Variants in MAP3K14 observed in about 807,000 individuals in gnomAD.
The protein encoded by MAP3K14 is mitogen-activated protein kinase kinase kinase 14, also known as NF-kappa-beta-inducing kinase.
Under a neutral mutation model 99.2 loss-of-function variants are expected in MAP3K14, and 16 were observed. That is an observed-to-expected ratio of 0.16 (90% CI 0.11 to 0.24). The LOEUF is 0.24. MAP3K14 is among the 10% of genes least tolerant of loss of function. The probability of loss-of-function intolerance (pLI) is 1.00; values close to 1 mark genes in which losing one functional copy is unlikely to be tolerated. For synonymous variants in MAP3K14, 462 were observed against 492.4 expected (o/e 0.94, Z 0.82); for missense variants, 784 against 1,208.7 (o/e 0.65, Z 5.21).
rs1441134969 is a variant in MAP3K14, at chr17:45,263,220, G to C, written c.*1416C>G. The C allele has an allele frequency of 6.6e-6, 1 of 152,352 alleles. No individual in the cohort carries two copies. Among genetic ancestry groups the C allele is most frequent in the Non-Finnish European group, 1.5e-5 (1 of 68,080 alleles). 9.4% of individuals were successfully genotyped at this position (152,352 alleles called of 1,614,324 possible). On this transcript the variant is annotated 3_prime_UTR_variant, in exon 16 of 16. Coordinates refer to ENST00000344686, the MANE Select transcript of MAP3K14 (RefSeq NM_003954.5). ...CAAGGCTGCAGTTCTTTATGTGCTGGGGGCCGGGGCTCTCTCCCCGGGAGC... is the reference window on the plus strand; with the variant it reads ...CAAGGCTGCAGTTCTTTATGTGCTGCGGGCCGGGGCTCTCTCCCCGGGAGC...
At chr17:45,280,199 C>CTT (rs2044211241) in intron 6 of MAP3K14, among the ~76,000 whole-genome samples, 1 of 151,908 alleles carries the variant, frequency 6.6e-6, no homozygotes, top group Admixed American at 6.6e-5. Flanking sequence ...AGGAGTGATT[C>CTT]TTAACCCTTT....
intron 1 of MAP3K14, among the ~76,000 whole-genome samples, chr17:45,313,622 G>A (rs930930317): frequency 3.9e-5 from 6 of 152,138 alleles, no homozygotes; most frequent in South Asian, 2.1e-4. Flanking sequence ...GACAAATCAC[G>A]GGCTCTCTGC....
intron 1 of MAP3K14, among the ~76,000 whole-genome samples, chr17:45,301,756 G>A (rs1470866929): frequency 6.6e-6 from 1 of 151,878 alleles, no homozygotes; most frequent in Non-Finnish European, 1.5e-5. Flanking sequence ...TGGGCTTATG[G>A]ATGATTTAAT....
chr17:45,285,887 G>A (rs1323619209), intron 5 of MAP3K14, among the ~76,000 whole-genome samples: 2 of 151,466 alleles, frequency 1.3e-5, no homozygotes, highest in African/African-American at 4.9e-5. Context: ...AGGAGACGGA[G>A]GCTGTAGTGA....
intron 14 of MAP3K14, chr17:45,266,300 T>C (rs2044081423): frequency 2.2e-6 from 1 of 446,032 alleles, no homozygotes; most frequent in Non-Finnish European, 4.0e-6. Flanking sequence ...TGGGACTCCA[T>C]CAACTGACAA....
intron 1 of MAP3K14, 187 bp from the exon 2 acceptor site, chr17:45,290,952 G>A (rs1286530618): frequency 6.9e-6 from 4 of 579,054 alleles, no homozygotes; most frequent in Admixed American, 3.0e-5. Context: ...ACAGCTACAC[G>A]TTCCACACGG....
rs921192159 is a variant in MAP3K14 at position 45,267,084 on chromosome 17, C to A, written c.2433+8G>T. On this transcript the variant is annotated splice_region_variant and intron_variant, in intron 13 of 15. Transcript: ENST00000344686. The surrounding 1 kb of genome is among the most constrained non-coding windows in gnomAD (Gnocchi z 5.1). ...GGAGCCATGGCTCCGGGGCCACAAC[C>A]GACTCACCTTCTCACTGTCATCCGA... 6.4e-7 allele frequency: 1 copy of A among 1,567,604 alleles called. No homozygotes were observed. Among genetic ancestry groups the A allele is most frequent in the East Asian group, 2.4e-5 (1 of 42,284 alleles).
At chr17:45,309,728 C>T (rs529130187) in intron 1 of MAP3K14, among the ~76,000 whole-genome samples, 105 of 152,320 alleles carry the variant, frequency 6.9e-4, no homozygotes, top group Admixed American at 2.2e-3. Context: ...TGAAAGATGG[C>T]TGTGGAGCCT....
At chr17:45,311,531 C>T (rs986743532) in intron 1 of MAP3K14, among the ~76,000 whole-genome samples, 28 of 152,256 alleles carry the variant, frequency 1.8e-4, no homozygotes, top group African/African-American at 6.0e-4. Flanking sequence ...GCAGAAAGAG[C>T]GTCAGGAGAA....
chr17:45,301,299 A>C (rs2044386376), intron 1 of MAP3K14, among the ~76,000 whole-genome samples: 1 of 152,146 alleles, frequency 6.6e-6, no homozygotes. Context: ...CCCCGTCTCT[A>C]CTAAAAATAC....
Position 45,263,236 on chromosome 17 carries a change from C to G in MAP3K14, c.*1400G>C, listed in dbSNP as rs1567983663. 6.6e-6 allele frequency: 1 copy of G among 152,382 alleles called. No homozygotes were observed. Among genetic ancestry groups the G allele is most frequent in the African/African-American group, 2.4e-5 (1 of 41,430 alleles). The allele number at this position is 152,382 out of a possible 1,614,324, so 9.4% of individuals were successfully genotyped here. Reference sequence around the variant, plus strand: ...TATGTGCTGGGGGCCGGGGCTCTCTCCCCGGGAGCAGTCTGACTCAATGTG... The same window carrying G: ...TATGTGCTGGGGGCCGGGGCTCTCTGCCCGGGAGCAGTCTGACTCAATGTG... On this transcript the variant is annotated 3_prime_UTR_variant, in exon 16 of 16. Transcript: ENST00000344686.
Position 45,264,505 on chromosome 17 carries a change from G to T in MAP3K14, c.*131C>A. 2 of 1,169,150 alleles carry T rather than the reference G, an allele frequency of 1.7e-6. No homozygotes were observed. Among genetic ancestry groups the T allele is most frequent in the Middle Eastern group, 3.0e-4 (1 of 3,384 alleles). 72.4% of individuals were successfully genotyped at this position (1,169,150 alleles called of 1,614,324 possible). A position where few individuals can be genotyped will look rare whatever the true frequency, so the allele number is the denominator to read the frequency against. On this transcript the variant is annotated 3_prime_UTR_variant, in exon 16 of 16. Coordinates refer to ENST00000344686, the MANE Select transcript of MAP3K14 (RefSeq NM_003954.5). Reference sequence around the variant, plus strand: ...CTTGCCCCCACCTTGCTGCTGCGAGGCCCTGGTCCCACTGCTGAGCCGGGG... The same window carrying T: ...CTTGCCCCCACCTTGCTGCTGCGAGTCCCTGGTCCCACTGCTGAGCCGGGG...
chr17:45,279,935 C>A (rs1188679332), intron 6 of MAP3K14, among the ~76,000 whole-genome samples: 1 of 152,226 alleles, frequency 6.6e-6, no homozygotes, highest in Non-Finnish European at 1.5e-5. Context: ...TATTTTCCTT[C>A]TAAACACGTG....
chr17:45,264,949 TCAA>T (rs2044062894), intron 15 of MAP3K14, 149 bp from the exon 16 acceptor site: 2 of 915,618 alleles, frequency 2.2e-6, no homozygotes, highest in Non-Finnish European at 3.3e-6. Context: ...CCCACCCGGC[TCAA>T]GTGTAGGTCT....
intron 1 of MAP3K14, among the ~76,000 whole-genome samples, chr17:45,300,993 C>T (rs1216600368): frequency 6.6e-6 from 1 of 151,464 alleles, no homozygotes; most frequent in Non-Finnish European, 1.5e-5. Context: ...ATAGTGAGAC[C>T]CCATCTTTAC....
At chr17:45,269,782 C>T (rs946702047) in intron 11 of MAP3K14, among the ~76,000 whole-genome samples, 1 of 152,204 alleles carries the variant, frequency 6.6e-6, no homozygotes, top group Non-Finnish European at 1.5e-5. Flanking sequence ...TTGCCCTATG[C>T]ATCTCTTCAT....
At chr17:45,274,623 C>A in intron 6 of MAP3K14, 30 bp from the exon 7 acceptor site, 1 of 1,609,396 alleles carries the variant, frequency 6.2e-7, no homozygotes, top group Non-Finnish European at 8.5e-7. Flanking sequence ...GCTGTTAAGA[C>A]AGGGTGAGGG....
intron 1 of MAP3K14, among the ~76,000 whole-genome samples, chr17:45,303,230 C>T (rs766731905): frequency 2.0e-5 from 3 of 152,244 alleles, no homozygotes; most frequent in Non-Finnish European, 4.4e-5. Context: ...CTAGCCTCTC[C>T]TGCCTTTCTT....
At chr17:45,304,056 A>G (rs1598264483) in intron 1 of MAP3K14, among the ~76,000 whole-genome samples, 1 of 125,936 alleles carries the variant, frequency 7.9e-6, no homozygotes, top group South Asian at 2.3e-4. Flanking sequence ...TCTGTCGCCC[A>G]GGCTGGAGCG....
Sources: allele counts gnomAD v4.1 joint callset (sites outside exome capture counted in the v4.1 genomes callset), GRCh38; gene constraint gnomAD v4.1.1; non-coding constraint Gnocchi (gnomAD v3.1); transcripts MANE v1.5; gene names NCBI Gene and HGNC (gene_info 2026-07-23, HGNC 2026-07-21).